ZBTB20: variants seen among roughly 807,000 people sequenced by gnomAD.
ZBTB20 encodes the protein zinc finger and BTB domain containing 20.
A neutral mutation model predicts 56.9 loss-of-function variants in ZBTB20; 9 were observed. The observed-to-expected ratio is 0.16, with a 90% CI of 0.10 to 0.28. ZBTB20 has a LOEUF of 0.28. Among genes scored for constraint, ZBTB20 ranks in the 10% least tolerant of loss-of-function variants. The pLI is 1.00. For synonymous variants in ZBTB20, 417 were observed against 420.7 expected, an observed-to-expected ratio of 0.99 and a Z score of 0.11; for missense variants, 655 against 1,003.0, an observed-to-expected ratio of 0.65 and a Z score of 4.69.
At chr3:114,614,342 G>T (rs1230111266) in intron 6 of ZBTB20, among the ~76,000 whole-genome samples, 1 of 152,118 alleles carries the variant, frequency 6.6e-6, no homozygotes, top group African/African-American at 2.4e-5. Context: ...ATTTTTAATT[G>T]TACTATTTAA....
intron 6 of ZBTB20, among the ~76,000 whole-genome samples, chr3:114,630,201 A>G (rs1382109975): frequency 1.3e-5 from 2 of 152,190 alleles, no homozygotes; most frequent in African/African-American, 4.8e-5. Flanking sequence ...TGCAGGGCTA[A>G]GATAGCATAT....
At chr3:114,974,063 TAAA>T (rs74552088) in intron 3 of ZBTB20, among the ~76,000 whole-genome samples, 2 of 108,638 alleles carry the variant, frequency 1.8e-5, no homozygotes. Flanking sequence ...CCAAACCAGT[TAAA>T]AAAAAAAAAA....
chr3:114,861,249 T>C (rs1327238415), intron 4 of ZBTB20, among the ~76,000 whole-genome samples: 1 of 152,196 alleles, frequency 6.6e-6, no homozygotes, highest in Non-Finnish European at 1.5e-5. Context: ...TTTCATAGTA[T>C]TTATTTTTTT....
chr3:114,664,414 T>C (rs1578224949), intron 6 of ZBTB20, among the ~76,000 whole-genome samples: 1 of 152,240 alleles, frequency 6.6e-6, no homozygotes, highest in South Asian at 2.1e-4. Context: ...TTAAACAATA[T>C]TGGAGTTTAG....
rs374750946 is a variant in ZBTB20, at chr3:114,853,576, A to C, written c.-417+46728T>G. Among the ~76,000 whole-genome samples the C allele has an allele frequency of 1.7e-3, 253 of 152,196 alleles. 1 individual carries two copies. The highest frequency in any genetic ancestry group is 6.0e-3 in the African/African-American group (249 of 41,518). On this transcript the variant is annotated intron_variant, in intron 4 of 11. Transcript: ENST00000675478. ...AGTGCTTGCCCGTCCTTGTCCTTAA[A>C]CCCCTGGACTAATCCCTTGTAAGGT...
At chr3:114,705,423 A>G (rs1336540909) in intron 5 of ZBTB20, among the ~76,000 whole-genome samples, 1 of 152,176 alleles carries the variant, frequency 6.6e-6, no homozygotes, top group Non-Finnish European at 1.5e-5. Flanking sequence ...TAAAGCCTTA[A>G]TAACTTCCAG....
At chr3:114,933,177 C>A (rs2076417778) in intron 3 of ZBTB20, among the ~76,000 whole-genome samples, 2 of 152,176 alleles carry the variant, frequency 1.3e-5, no homozygotes, top group African/African-American at 4.8e-5. Flanking sequence ...CTAATCTAAG[C>A]CTGGGCACCC....
chr3:115,085,315 G>A (rs1394943412), intron 1 of ZBTB20, among the ~76,000 whole-genome samples: 3 of 151,880 alleles, frequency 2.0e-5, no homozygotes, highest in Non-Finnish European at 4.4e-5. Context: ...ATTTTAAGTT[G>A]TGCCAAATTG....
intron 2 of ZBTB20, among the ~76,000 whole-genome samples, chr3:115,039,947 A>C (rs1376800803): frequency 1.3e-5 from 2 of 152,040 alleles, no homozygotes; most frequent in Non-Finnish European, 2.9e-5. Flanking sequence ...TAGATTTTAA[A>C]TGTTATCACC....
chr3:114,816,277 A>G (rs2072908683), intron 4 of ZBTB20, among the ~76,000 whole-genome samples: 1 of 152,222 alleles, frequency 6.6e-6, no homozygotes, highest in South Asian at 2.1e-4. Context: ...CAAATAGAGG[A>G]AGTATGCTGG....
In ZBTB20 at chr3:114,985,118, T is replaced by C. The variant is rs1187185176; in HGVS notation, c.-506-10702A>G. Among the ~76,000 whole-genome samples the C allele has an allele frequency of 2.0e-5, 3 of 152,192 alleles. No individual in the cohort carries two copies. In the East Asian group the frequency reaches 5.8e-4, roughly 29 times the overall value. ...ACAGGATATCACTATCTGCAACTAT[T>C]TTACTTATTTATAAACTGACTCATT... On this transcript the variant is annotated intron_variant, in intron 2 of 11. Transcript: ENST00000675478.
chr3:114,863,955 G>A (rs1054881006), intron 4 of ZBTB20, among the ~76,000 whole-genome samples: 11 of 151,906 alleles, frequency 7.2e-5, no homozygotes, highest in Admixed American at 6.6e-4. Flanking sequence ...AAACTGAAAC[G>A]TATCTTTTAG....
intron 4 of ZBTB20, among the ~76,000 whole-genome samples, chr3:114,889,343 A>AG (rs2076721296): frequency 6.6e-6 from 1 of 151,956 alleles, no homozygotes; most frequent in East Asian, 1.9e-4. Context: ...TTAACTTAAG[A>AG]GTTGTGCATT....
At chr3:114,912,557 G>A (rs2075584503) in intron 3 of ZBTB20, among the ~76,000 whole-genome samples, 1 of 151,772 alleles carries the variant, frequency 6.6e-6, no homozygotes, top group African/African-American at 2.4e-5. Context: ...ATCACATAAA[G>A]GCAAATGGAG....
At chr3:114,451,633 G>A (rs2091614535) in intron 7 of ZBTB20, among the ~76,000 whole-genome samples, 1 of 152,078 alleles carries the variant, frequency 6.6e-6, no homozygotes, top group Non-Finnish European at 1.5e-5. Context: ...CAAAACTAGT[G>A]GGTGAGGGGA....
intron 5 of ZBTB20, among the ~76,000 whole-genome samples, chr3:114,729,884 G>A (rs1226570152): frequency 1.3e-5 from 2 of 151,240 alleles, no homozygotes; most frequent in Non-Finnish European, 2.9e-5. Context: ...GCTCACTACA[G>A]CCTCAAACTC....
chr3:114,347,451 A>G (rs2080290400), intron 11 of ZBTB20, among the ~76,000 whole-genome samples: 1 of 152,158 alleles, frequency 6.6e-6, no homozygotes, highest in South Asian at 2.1e-4. Context: ...CGTGCTTTCT[A>G]GAATCTTTTT....
intron 6 of ZBTB20, among the ~76,000 whole-genome samples, chr3:114,633,192 G>A (rs1016869257): frequency 2.6e-5 from 4 of 152,166 alleles, no homozygotes; most frequent in African/African-American, 4.8e-5. Flanking sequence ...AGTTTCCAAG[G>A]TGGCATGTTC....
At position 114,845,401 on chromosome 3, in the gene ZBTB20, G is replaced by A. The variant is rs1475938650; in HGVS notation, c.-416-44227C>T. On this transcript the variant is annotated intron_variant, in intron 4 of 11. Coordinates refer to ENST00000675478, the MANE Select transcript of ZBTB20 (RefSeq NM_001348800.3). ...CCCAAATTTATTAAATCTTGTTAAA[G>A]AACCTGATGCTCTCTCTCTAGAGAC... 2.0e-5 allele frequency among the ~76,000 whole-genome samples: 3 copies of A among 149,438 alleles called. No individual in the cohort carries two copies. The Admixed American group carries it at 2.0e-4, about 10-fold the overall frequency.
Sources: gnomAD v4.1 joint callset for allele counts (sites outside exome capture counted in the v4.1 genomes callset) on GRCh38, gnomAD v4.1.1 for gene constraint, MANE v1.5 for transcripts, NCBI Gene and HGNC (gene_info 2026-07-23, HGNC 2026-07-21) for gene names.